FRAS1: variants seen among roughly 807,000 people sequenced by gnomAD.
FRAS1 encodes the protein extracellular matrix organizing protein FRAS1.
Under a neutral mutation model 435.2 loss-of-function variants are expected in FRAS1, and 290 were observed. The observed-to-expected ratio is 0.67, with a 90% CI of 0.61 to 0.73. The LOEUF is 0.73. Among genes scored for constraint, FRAS1 ranks in the 30% least tolerant of loss-of-function variants. The probability of loss-of-function intolerance (pLI) is 0.00; values close to 1 mark genes in which losing one functional copy is unlikely to be tolerated. For missense variants in FRAS1, 4,860 were observed against 5,001.5 expected, an observed-to-expected ratio of 0.97 and a Z score of 0.85; for synonymous variants, 1,800 against 1,851.0, an observed-to-expected ratio of 0.97 and a Z score of 0.71.
chr4:78,083,148 A>T (rs1740971430), intron 2 of FRAS1, among the ~76,000 whole-genome samples: 1 of 152,140 alleles, frequency 6.6e-6, no homozygotes, highest in Admixed American at 6.6e-5. Context: ...TATACCCTTG[A>T]GGAGGCTTCA....
At chr4:78,461,341 T>G (rs1719363130) in intron 47 of FRAS1, among the ~76,000 whole-genome samples, 1 of 152,196 alleles carries the variant, frequency 6.6e-6, no homozygotes, top group Non-Finnish European at 1.5e-5. Flanking sequence ...TTACAAAAAG[T>G]GCTCCTAGCA....
chr4:78,426,385 C>G (rs1236646666), intron 35 of FRAS1, among the ~76,000 whole-genome samples: 1 of 152,006 alleles, frequency 6.6e-6, no homozygotes, highest in Non-Finnish European at 1.5e-5. Flanking sequence ...TTGGGCTGAC[C>G]TTAAATTATC....
chr4:78,390,873 C>T (rs917866658), intron 29 of FRAS1, among the ~76,000 whole-genome samples: 1 of 152,182 alleles, frequency 6.6e-6, no homozygotes. Context: ...TGTTTAATTC[C>T]TAGTGAATGA....
chr4:78,162,979 TTCTC>T lies in FRAS1; in HGVS notation c.109-74527_109-74524del, dbSNP rs910709593. 1.9e-4 allele frequency among the ~76,000 whole-genome samples: 29 copies of T among 152,334 alleles called. 2 individuals carry two copies. The highest frequency in any genetic ancestry group is 6.5e-4 in the African/African-American group (27 of 41,590). On this transcript the variant is annotated intron_variant, in intron 2 of 73. Coordinates refer to ENST00000512123, the MANE Select transcript of FRAS1 (RefSeq NM_025074.7). Reference sequence around the variant, plus strand: ...CAATTTGTGGGATGAGCCCGTTTCTTTCTCTCTAACCTTTTCTAGACCTGACCAT... The same window carrying T: ...CAATTTGTGGGATGAGCCCGTTTCTTTCTAACCTTTTCTAGACCTGACCAT...
intron 2 of FRAS1, among the ~76,000 whole-genome samples, chr4:78,088,273 T>C (rs910910204): frequency 5.9e-5 from 9 of 152,104 alleles, no homozygotes; most frequent in South Asian, 4.2e-4. Flanking sequence ...ATACAAAAAT[T>C]AATTCAAGAT....
intron 24 of FRAS1, 145 bp from the exon 25 acceptor site, chr4:78,373,966 C>A (rs915639186): frequency 9.9e-6 from 6 of 607,882 alleles, no homozygotes; most frequent in Non-Finnish European, 1.5e-5. Flanking sequence ...ACAACCAGAA[C>A]CCAGACTCCT....
At chr4:78,186,629 CA>C (rs1359189477) in intron 2 of FRAS1, among the ~76,000 whole-genome samples, 14 of 152,184 alleles carry the variant, frequency 9.2e-5, no homozygotes, top group Non-Finnish European at 1.8e-4. Flanking sequence ...CAATGTGACA[CA>C]AATCACTGTA....
At chr4:78,180,572 C>T (rs1025253487) in intron 2 of FRAS1, among the ~76,000 whole-genome samples, 17 of 152,114 alleles carry the variant, frequency 1.1e-4, no homozygotes, top group African/African-American at 3.9e-4. Flanking sequence ...TTTGGAAATG[C>T]ATATTTGCAA....
Position 78,504,868 on chromosome 4 carries a change from G to T in FRAS1, c.9317-2553G>T, listed in dbSNP as rs1720785639. 1.3e-5 allele frequency among the ~76,000 whole-genome samples: 2 copies of T among 152,172 alleles called. 1 individual carries two copies. Among genetic ancestry groups the T allele is most frequent in the Admixed American group, 1.3e-4 (2 of 15,274 alleles). The stretch of plus-strand genomic sequence containing the variant: ...GTTTTTGCAGTGGATGGTACTGGTT[G>T]TTCCTTTCCATATTTAGTGCTTCCT... On this transcript the variant is annotated intron_variant, in intron 61 of 73. Coordinates refer to ENST00000512123, the MANE Select transcript of FRAS1 (RefSeq NM_025074.7).
At chr4:78,444,107 G>A (rs1189302855) in intron 41 of FRAS1, 1 of 446,276 alleles carries the variant, frequency 2.2e-6, no homozygotes, top group Admixed American at 2.4e-5. Flanking sequence ...CTCCTGCCTT[G>A]GCCTCCCAAA....
At chr4:78,286,658 C>A in intron 14 of FRAS1, 119 bp downstream of exon 14, 1 of 1,002,114 alleles carries the variant, frequency 1.0e-6, no homozygotes. Flanking sequence ...AGAGAAGAAA[C>A]TCTAAACAAG....
intron 70 of FRAS1, among the ~76,000 whole-genome samples, chr4:78,533,937 G>A (rs978410772): frequency 1.3e-5 from 2 of 152,208 alleles, no homozygotes; most frequent in African/African-American, 4.8e-5. Flanking sequence ...AGCCTTGGGA[G>A]CGCTTATCTG....
At chr4:78,091,765 T>C (rs1741537826) in intron 2 of FRAS1, among the ~76,000 whole-genome samples, 1 of 151,898 alleles carries the variant, frequency 6.6e-6, no homozygotes, top group Admixed American at 6.6e-5. Context: ...GCAAGTGATC[T>C]TCCTGCCTCA....
intron 54 of FRAS1, 35 bp from the exon 55 acceptor site, chr4:78,477,780 C>G: frequency 6.3e-7 from 1 of 1,592,576 alleles, no homozygotes; most frequent in South Asian, 1.2e-5. Flanking sequence ...GAAGCTGAGG[C>G]ACAGCTTAAC....
At position 78,212,501 on chromosome 4, in the gene FRAS1, A is replaced by C. The variant is rs537550781; in HGVS notation, c.109-25009A>C. 1.4e-4 allele frequency among the ~76,000 whole-genome samples: 22 copies of C among 152,348 alleles called. No individual in the cohort carries two copies. The South Asian group carries it at 3.9e-3, about 27-fold the overall frequency. Reference sequence around the variant, plus strand: ...GTCTGTCCTAAGGCAAGCAGAGAATAGGAATTCAAGGATATTAGGATTTGG... The same window carrying C: ...GTCTGTCCTAAGGCAAGCAGAGAATCGGAATTCAAGGATATTAGGATTTGG... On this transcript the variant is annotated intron_variant, in intron 2 of 73. Transcript: ENST00000512123.
rs754514287 is a variant in FRAS1, at chr4:78,488,868, C to G, written c.8753-7C>G. ...TGGTGCGTCTGTCTTTCTGTCTGCC[C>G]ACCTAGTGCCCAGCATGCAGTTTGC... is the stretch of plus-strand genomic sequence containing the variant. On this transcript the variant is annotated splice_region_variant and splice_polypyrimidine_tract_variant and intron_variant, in intron 58 of 73. Coordinates refer to ENST00000512123, the MANE Select transcript of FRAS1 (RefSeq NM_025074.7). 6.2e-7 allele frequency: 1 copy of G among 1,610,388 alleles called. No homozygotes were observed. The highest frequency in any genetic ancestry group is 8.5e-7 in the Non-Finnish European group (1 of 1,178,876).
chr4:78,424,352 T>G (rs1285672131), intron 34 of FRAS1, 36 bp from the exon 35 acceptor site: 1 of 1,248,228 alleles, frequency 8.0e-7, no homozygotes, highest in African/African-American at 1.5e-5. Context: ...GATCCCAAAG[T>G]GTTTAATATA....
rs1231123647 is a variant in FRAS1, at chr4:78,464,578, A to G, written c.7024A>G (p.Thr2342Ala). 2 of 1,613,660 alleles carry G rather than the reference A, an allele frequency of 1.2e-6. No individual in the cohort carries two copies. The highest frequency in any genetic ancestry group is 1.7e-5 in the Admixed American group (1 of 59,996). ...EFELKAVDADTEAESVTFTIV... is the reference protein window; with the variant it reads ...EFELKAVDADAEAESVTFTIV... ...TGAGCTTAAGGCGGTGGATGCTGAC[A>G]CAGAGGTAAGAGCACTTCTTCCCAT... The change falls in exon 49 of 74, where the codon ACA becomes GCA. Residue 2342 changes from threonine (T) to alanine (A), a missense_variant. By Grantham distance (58) the Thr-to-Ala change is moderately conservative. Coordinates refer to ENST00000512123, the MANE Select transcript of FRAS1 (RefSeq NM_025074.7).
intron 5 of FRAS1, 87 bp downstream of exon 5, chr4:78,252,638 A>G: frequency 1.6e-6 from 2 of 1,244,658 alleles, no homozygotes; most frequent in South Asian, 1.4e-5. Flanking sequence ...ATTTCAACAT[A>G]GGTTCTTTCT....
Sources: gnomAD v4.1 joint callset for allele counts (sites outside exome capture counted in the v4.1 genomes callset) on GRCh38, gnomAD v4.1.1 for gene constraint, MANE v1.5 for transcripts, NCBI Gene and HGNC (gene_info 2026-07-23, HGNC 2026-07-21) for gene names.